Variants in CD247 observed in about 807,000 individuals in gnomAD.
CD247 encodes CD247 molecule.
A neutral mutation model predicts 30.0 loss-of-function variants in CD247; 13 were observed. The observed-to-expected ratio is 0.43, with a 90% CI of 0.28 to 0.69. CD247 has a LOEUF of 0.69. Among genes scored for constraint, CD247 ranks in the 30% least tolerant of loss-of-function variants. The pLI is 0.16. For synonymous variants in CD247, 72 were observed against 80.0 expected, an observed-to-expected ratio of 0.90 and a Z score of 0.53; for missense variants, 193 against 212.6, an observed-to-expected ratio of 0.91 and a Z score of 0.57.
At chr1:167,441,478 C>T (rs374607868) in intron 1 of CD247, among the ~76,000 whole-genome samples, 1 of 152,146 alleles carries the variant, frequency 6.6e-6, no homozygotes, top group Admixed American at 6.5e-5. Context: ...CCTTCTCTGT[C>T]TCCCCTCCTC....
intron 1 of CD247, among the ~76,000 whole-genome samples, chr1:167,472,448 C>T (rs985741227): frequency 2.0e-5 from 3 of 152,180 alleles, no homozygotes; most frequent in Admixed American, 1.3e-4. Flanking sequence ...TGTTTGTATG[C>T]ACTCACACAC....
At chr1:167,515,087 G>A (rs34940064) in intron 1 of CD247, among the ~76,000 whole-genome samples, 3,496 of 152,268 alleles carry the variant, frequency 0.023, 70 homozygotes, top group Non-Finnish European at 0.036. Flanking sequence ...CCTGAGAAAC[G>A]CTAAAATTGA....
chr1:167,499,667 G>C (rs1469780421), intron 1 of CD247, among the ~76,000 whole-genome samples: 2 of 152,126 alleles, frequency 1.3e-5, no homozygotes, highest in Non-Finnish European at 2.9e-5. Flanking sequence ...TTAGTGCAGG[G>C]TATTCCTTCC....
At chr1:167,488,837 C>T (rs1157591388) in intron 1 of CD247, among the ~76,000 whole-genome samples, 3 of 152,086 alleles carry the variant, frequency 2.0e-5, no homozygotes, top group African/African-American at 4.8e-5. Flanking sequence ...ATGTCACGTA[C>T]GTGAGTATGT....
chr1:167,447,252 T>C (rs1652129414), intron 1 of CD247, among the ~76,000 whole-genome samples: 1 of 152,192 alleles, frequency 6.6e-6, no homozygotes, highest in African/African-American at 2.4e-5. Context: ...ATAGGTCACA[T>C]GGCTAGAGAT....
At chr1:167,433,167 T>C in intron 6 of CD247, 108 bp from the exon 7 acceptor site, 1 of 1,110,892 alleles carries the variant, frequency 9.0e-7, no homozygotes, top group Non-Finnish European at 1.4e-6. Context: ...CAGAGGTAAC[T>C]GTCTCCCAGC....
At chr1:167,453,869 T>C (rs952553654) in intron 1 of CD247, among the ~76,000 whole-genome samples, 3 of 151,980 alleles carry the variant, frequency 2.0e-5, no homozygotes, top group Non-Finnish European at 4.4e-5. Context: ...GAGGCTTAGG[T>C]CGGAGGATCA....
chr1:167,450,806 G>A (rs903350109), intron 1 of CD247, among the ~76,000 whole-genome samples: 2 of 151,452 alleles, frequency 1.3e-5, no homozygotes, highest in Admixed American at 6.6e-5. Context: ...CCAGCTACTC[G>A]GGAGGCTGAG....
chr1:167,440,983 G>A (rs1384467911), intron 1 of CD247, among the ~76,000 whole-genome samples: 1 of 152,162 alleles, frequency 6.6e-6, no homozygotes, highest in Non-Finnish European at 1.5e-5. Context: ...TGTGGCCGCT[G>A]TGGGGCCAAA....
intron 1 of CD247, among the ~76,000 whole-genome samples, chr1:167,492,083 C>T (rs1218087547): frequency 6.6e-6 from 1 of 152,164 alleles, no homozygotes; most frequent in African/African-American, 2.4e-5. Context: ...ATGTACTTGA[C>T]ATCACTCAAC....
intron 1 of CD247, among the ~76,000 whole-genome samples, chr1:167,442,496 T>C (rs1002372150): frequency 3.3e-5 from 5 of 152,212 alleles, no homozygotes; most frequent in African/African-American, 1.2e-4. Context: ...AGACACTGCC[T>C]TAAATGTAAT....
chr1:167,516,420 T>C (rs1000566260), intron 1 of CD247, among the ~76,000 whole-genome samples: 1 of 152,236 alleles, frequency 6.6e-6, no homozygotes, highest in African/African-American at 2.4e-5. Context: ...TCCAAAGAAA[T>C]GCAAATGCAA....
At chr1:167,511,152 G>C (rs1409787569) in intron 1 of CD247, among the ~76,000 whole-genome samples, 1 of 152,148 alleles carries the variant, frequency 6.6e-6, no homozygotes, top group Non-Finnish European at 1.5e-5. Context: ...TCCCAGTCCT[G>C]GAGGAGTTAG....
At chr1:167,473,092 TACACACACAC>T (rs35004482) in intron 1 of CD247, among the ~76,000 whole-genome samples, 18 of 146,630 alleles carry the variant, frequency 1.2e-4, no homozygotes, top group South Asian at 6.7e-4. Context: ...CTTCAAGTTT[TACACACACAC>T]ACACACACAC....
rs779123977 is a variant in CD247, at chr1:167,494,364, C to T, written c.58+24044G>A. Among the ~76,000 whole-genome samples, 71 of 152,258 alleles carry T rather than the reference C, an allele frequency of 4.7e-4. 1 individual carries two copies. The highest frequency in any genetic ancestry group is 7.6e-4 in the Non-Finnish European group (52 of 68,020). On this transcript the variant is annotated intron_variant, in intron 1 of 7. Transcript: ENST00000362089. The surrounding 1 kb of genome is among the most constrained non-coding windows in gnomAD (Gnocchi z 7.3). The stretch of plus-strand genomic sequence containing the variant: ...GTGAGGACTGGCCAGGTAATTGGAA[C>T]GTTCTAGAGACTGTTGGGTTGACTT...
At chr1:167,508,186 C>T (rs1655229263) in intron 1 of CD247, among the ~76,000 whole-genome samples, 1 of 152,172 alleles carries the variant, frequency 6.6e-6, no homozygotes, top group South Asian at 2.1e-4. Context: ...CCCTTTCCAA[C>T]AAGAGATTAC....
intron 2 of CD247, 166 bp downstream of exon 2, chr1:167,440,498 C>T: frequency 1.0e-5 from 7 of 669,380 alleles, no homozygotes; most frequent in Non-Finnish European, 1.9e-5. Flanking sequence ...ACTGCCACCT[C>T]CTCCTCAGCC....
intron 1 of CD247, among the ~76,000 whole-genome samples, chr1:167,481,097 G>A (rs201218111): frequency 1.3e-5 from 2 of 152,134 alleles, no homozygotes; most frequent in East Asian, 3.9e-4. Flanking sequence ...GGTCAGCCTG[G>A]GCAACATGGT....
intron 1 of CD247, among the ~76,000 whole-genome samples, chr1:167,498,793 A>C (rs535987316): frequency 1.3e-5 from 2 of 152,202 alleles, no homozygotes; most frequent in Non-Finnish European, 2.9e-5. Flanking sequence ...CTTTCTGCTG[A>C]AACTGACCTC....
Sources: allele counts gnomAD v4.1 joint callset (sites outside exome capture counted in the v4.1 genomes callset), GRCh38; gene constraint gnomAD v4.1.1; non-coding constraint Gnocchi (gnomAD v3.1); transcripts MANE v1.5; gene names NCBI Gene and HGNC (gene_info 2026-07-23, HGNC 2026-07-21).